The following KLHL32 variants were observed in gnomAD, a reference collection of about 807,000 sequenced individuals.
KLHL32 encodes kelch like family member 32, also known as kelch-like protein 32.
KLHL32 carries 35 observed loss-of-function variants against 64.8 expected under a neutral mutation model. The ratio of observed to expected loss-of-function variants is 0.54; its 90% CI spans 0.41 to 0.72. The LOEUF (loss-of-function observed/expected upper bound fraction) is 0.72. Ranked by LOEUF, KLHL32 falls within the 30% of genes least tolerant of loss-of-function variation. The pLI is 0.00. For synonymous variants in KLHL32, 259 were observed against 281.0 expected (o/e 0.92, Z 0.78); for missense variants, 589 against 768.5 (o/e 0.77, Z 2.76).
At position 97,096,385 on chromosome 6, in the gene KLHL32, C is replaced by G. The variant is rs80092522; in HGVS notation, c.627+11044C>G. 8.2e-3 allele frequency among the ~76,000 whole-genome samples: 1,243 copies of G among 152,312 alleles called. 19 individuals carry two copies. Among genetic ancestry groups the G allele is most frequent in the African/African-American group, 0.028 (1,160 of 41,572 alleles). On this transcript the variant is annotated intron_variant, in intron 6 of 10. Coordinates refer to ENST00000369261, the MANE Select transcript of KLHL32 (RefSeq NM_052904.4). ...CTGACCTAAATCATAATACTCCCAC[C>G]ATTGGCTCGTTGGTCTCAGCATTAA...
intron 5 of KLHL32, among the ~76,000 whole-genome samples, chr6:97,083,129 T>C (rs895590205): frequency 6.6e-6 from 1 of 152,092 alleles, no homozygotes; most frequent in Non-Finnish European, 1.5e-5. Flanking sequence ...CCGTGGCTCA[T>C]GCCTGTAATC....
chr6:96,944,182 A>T (rs993998302), intron 1 of KLHL32, among the ~76,000 whole-genome samples: 1 of 152,208 alleles, frequency 6.6e-6, no homozygotes, highest in Non-Finnish European at 1.5e-5. Flanking sequence ...TCATGCTGAC[A>T]CCAGTAATAT....
chr6:97,067,179 C>G (rs1271197627), intron 5 of KLHL32, among the ~76,000 whole-genome samples: 1 of 152,178 alleles, frequency 6.6e-6, no homozygotes, highest in African/African-American at 2.4e-5. Flanking sequence ...CTGAGCCTCA[C>G]CATCCTGCAG....
At chr6:96,905,413 T>C in the KLHL32 span, among the ~76,000 whole-genome samples, 1 of 152,184 alleles carries the variant, frequency 6.6e-6, no homozygotes, top group South Asian at 2.1e-4. Flanking sequence ...GTCTGGTCCT[T>C]TCTCCCTTTG....
At chr6:97,056,095 TCTTTTTTTTTC>T (rs1036821965) in intron 4 of KLHL32, among the ~76,000 whole-genome samples, 1 of 134,608 alleles carries the variant, frequency 7.4e-6, no homozygotes, top group African/African-American at 3.0e-5. Context: ...TCTTTTTTTT[TCTTTTTTTTTC>T]TTTTTTTTTT....
chr6:97,096,501 T>C (rs908824946), intron 6 of KLHL32, among the ~76,000 whole-genome samples: 1 of 152,248 alleles, frequency 6.6e-6, no homozygotes, highest in Non-Finnish European at 1.5e-5. Flanking sequence ...ATGCCAATAG[T>C]TTGTTAACAG....
At chr6:96,905,864 G>A in the KLHL32 span, among the ~76,000 whole-genome samples, 1 of 152,256 alleles carries the variant, frequency 6.6e-6, no homozygotes, top group South Asian at 2.1e-4. Context: ...ACATATTTAA[G>A]AGAACCATTT....
intron 5 of KLHL32, among the ~76,000 whole-genome samples, chr6:97,080,493 T>G (rs1000893465): frequency 3.3e-5 from 5 of 152,292 alleles, no homozygotes; most frequent in Admixed American, 1.3e-4. Flanking sequence ...TCCGAGAAGC[T>G]TAGATTTGGT....
intron 6 of KLHL32, among the ~76,000 whole-genome samples, chr6:97,110,637 TC>T (rs1796988412): frequency 1.3e-5 from 2 of 152,144 alleles, no homozygotes; most frequent in South Asian, 4.1e-4. Context: ...TCAGTACATT[TC>T]CCCTGATCCC....
At chr6:96,971,306 C>A (rs1472784564) in intron 2 of KLHL32, among the ~76,000 whole-genome samples, 1 of 152,180 alleles carries the variant, frequency 6.6e-6, no homozygotes, top group Non-Finnish European at 1.5e-5. Flanking sequence ...AGTCAAAATT[C>A]TTTCCATGAA....
intron 1 of KLHL32, among the ~76,000 whole-genome samples, chr6:96,940,741 G>A (rs1206977475): frequency 1.3e-5 from 2 of 152,188 alleles, no homozygotes; most frequent in Non-Finnish European, 2.9e-5. Flanking sequence ...AGTAAGATTC[G>A]TACTTACTCT....
intron 5 of KLHL32, among the ~76,000 whole-genome samples, chr6:97,066,959 T>TTGTGTGGTA (rs1789860855): frequency 6.6e-6 from 1 of 152,228 alleles, no homozygotes; most frequent in African/African-American, 2.4e-5. Flanking sequence ...GCTGATATAT[T>TTGTGTGGTA]CTCTATCTTT....
In KLHL32 at chr6:96,976,177, G is replaced by T; in HGVS notation, c.204G>T (p.Arg68=). 6.5e-7 allele frequency: 1 copy of T among 1,547,762 alleles called. No individual in the cohort carries two copies. The highest frequency in any genetic ancestry group is 1.2e-5 in the South Asian group (1 of 83,472). Residue 68 remains arginine, a splice_region_variant and synonymous_variant, in exon 3 of 11, where the codon CGG becomes CGT. Transcript: ENST00000369261. The stretch of plus-strand genomic sequence containing the variant: ...TAGCAGCATGCAGTGACTATTTCCG[G>T]GTAAGTCAGCATTGTTTGTTTCTCG... ...AVLAACSDYF[R]AMFSLCMVES... is the part of the protein sequence containing the mutation.
chr6:96,964,979 G>GT (rs1449398308), intron 1 of KLHL32, among the ~76,000 whole-genome samples: 2 of 152,160 alleles, frequency 1.3e-5, no homozygotes, highest in Non-Finnish European at 2.9e-5. Context: ...GAGCAATGGA[G>GT]TTTTTTAGCC....
chr6:96,978,136 A>AT (rs1222154420), intron 3 of KLHL32, among the ~76,000 whole-genome samples: 5 of 151,202 alleles, frequency 3.3e-5, no homozygotes, highest in East Asian at 1.9e-4. Flanking sequence ...TCAGTATTGG[A>AT]TTTTTTTTTG....
chr6:96,981,224 A>G (rs534138031), intron 3 of KLHL32, among the ~76,000 whole-genome samples: 49 of 152,230 alleles, frequency 3.2e-4, no homozygotes, highest in East Asian at 1.2e-3. Context: ...CTTCTTACTG[A>G]TTCAATTTTG....
intron 4 of KLHL32, among the ~76,000 whole-genome samples, chr6:97,050,614 C>CT (rs1466727430): frequency 1.3e-5 from 2 of 152,172 alleles, no homozygotes; most frequent in Non-Finnish European, 2.9e-5. Context: ...GGGGCAGACT[C>CT]TATTACATTA....
At chr6:97,075,858 T>C (rs1162140079) in intron 5 of KLHL32, among the ~76,000 whole-genome samples, 1 of 152,220 alleles carries the variant, frequency 6.6e-6, no homozygotes, top group Non-Finnish European at 1.5e-5. Context: ...CGTATACACT[T>C]TTTTGTCTTA....
In KLHL32 at chr6:97,132,635, C is replaced by T; in HGVS notation, c.1607-18C>T. The T allele has an allele frequency of 6.5e-7, 1 of 1,544,368 alleles. No individual in the cohort carries two copies. Among genetic ancestry groups the T allele is most frequent in the South Asian group, 1.2e-5 (1 of 86,254 alleles). On this transcript the variant is annotated intron_variant, in intron 9 of 10. Coordinates refer to ENST00000369261, the MANE Select transcript of KLHL32 (RefSeq NM_052904.4). ...GAAATGGATTTTTTTTCTTTTTATT[C>T]AATTCTCTTTACTTTAGGCCAAAAT...
Sources: allele counts gnomAD v4.1 joint callset (sites outside exome capture counted in the v4.1 genomes callset), GRCh38; gene constraint gnomAD v4.1.1; transcripts MANE v1.5; gene names NCBI Gene and HGNC (gene_info 2026-07-23, HGNC 2026-07-21).